IER3IP1: variants seen among roughly 807,000 people sequenced by gnomAD.
The protein encoded by IER3IP1 is immediate early response 3 interacting protein 1.
IER3IP1 carries 16 observed loss-of-function variants against 12.2 expected under a neutral mutation model. The ratio of observed to expected loss-of-function variants is 1.31; its 90% confidence interval spans 0.89 to 1.99. The LOEUF (loss-of-function observed/expected upper bound fraction) is 1.99. Ranked by LOEUF, IER3IP1 falls within the 30% of genes most tolerant of loss-of-function variation. The pLI is 0.00. For synonymous variants in IER3IP1, 42 were observed against 40.0 expected, an observed-to-expected ratio of 1.05 and a Z score of -0.19; for missense variants, 95 against 95.8, an observed-to-expected ratio of 0.99 and a Z score of 0.03.
At chr18:47,175,937 G>C (rs1417484843) in intron 1 of IER3IP1, among the ~76,000 whole-genome samples, 1 of 152,040 alleles carries the variant, frequency 6.6e-6, no homozygotes, top group Non-Finnish European at 1.5e-5. Context: ...CGCAAGCAGA[G>C]GCGTCCCTGA....
intron 2 of IER3IP1, among the ~76,000 whole-genome samples, 157 bp from the exon 3 acceptor site, chr18:47,156,389 T>A (rs1195848411): frequency 6.6e-6 from 1 of 152,198 alleles, no homozygotes; most frequent in Non-Finnish European, 1.5e-5. Context: ...CTAAAATACA[T>A]TGGATCATGA....
At chr18:47,158,830 G>A (rs369007987) in intron 1 of IER3IP1, among the ~76,000 whole-genome samples, 11 of 151,820 alleles carry the variant, frequency 7.2e-5, no homozygotes, top group Admixed American at 1.3e-4. Flanking sequence ...GTGTGATGGC[G>A]TGCGCCTGTA....
At chr18:47,163,618 C>A (rs1475635338) in intron 1 of IER3IP1, among the ~76,000 whole-genome samples, 1 of 152,090 alleles carries the variant, frequency 6.6e-6, no homozygotes, top group African/African-American at 2.4e-5. Context: ...TTGTGTGAAA[C>A]CCTTCCATAG....
At chr18:47,174,941 C>G (rs77354909) in intron 1 of IER3IP1, among the ~76,000 whole-genome samples, 1 of 152,114 alleles carries the variant, frequency 6.6e-6, no homozygotes, top group Non-Finnish European at 1.5e-5. Context: ...AAGAAGCTTT[C>G]GCAGATACAC....
At chr18:47,156,478 AT>A (rs1193749488) in intron 2 of IER3IP1, among the ~76,000 whole-genome samples, 2 of 152,218 alleles carry the variant, frequency 1.3e-5, no homozygotes, top group African/African-American at 4.8e-5. Flanking sequence ...AATGTGAAAC[AT>A]CTGTGGATAG....
Position 47,154,764 on chromosome 18 carries a change from C to G in IER3IP1, c.*1413G>C, listed in dbSNP as rs1289484337. 1 of 152,210 alleles carries G rather than the reference C, an allele frequency of 6.6e-6. No individual in the cohort carries two copies. Among genetic ancestry groups the G allele is most frequent in the Non-Finnish European group, 1.5e-5 (1 of 68,038 alleles). 9.4% of individuals were successfully genotyped at this position (152,210 alleles called of 1,614,324 possible). On this transcript the variant is annotated 3_prime_UTR_variant, in exon 3 of 3. Transcript: ENST00000256433. ...AGCCTATAGTCCAAAGATCACTGAT[C>G]TCTAACTTAGGAAAGGCCAAAAGGT...
chr18:47,169,019 T>C (rs558600180), intron 1 of IER3IP1, among the ~76,000 whole-genome samples: 1 of 152,172 alleles, frequency 6.6e-6, no homozygotes, highest in South Asian at 2.1e-4. Context: ...ACATTCAATT[T>C]TAGAGTATTT....
Position 47,176,224 on chromosome 18 carries a change from G to A in IER3IP1, c.54C>T (p.Ala18=), listed in dbSNP as rs2064033192. ...ATCGCTCCTCGTGCAGCACTGCGATGGCGTTGACGCAGAGCAGGGCTGCCT... is the reference window on the plus strand; with the variant it reads ...ATCGCTCCTCGTGCAGCACTGCGATAGCGTTGACGCAGAGCAGGGCTGCCT... ...LLQAALLCVN[A]IAVLHEERFL... The change falls in exon 1 of 3, where the codon GCC becomes GCT. Residue 18 remains alanine (A), a synonymous_variant. Transcript: ENST00000256433. 1 of 1,608,392 alleles carries A rather than the reference G, an allele frequency of 6.2e-7. No homozygotes were observed. The highest frequency in any genetic ancestry group is 8.5e-7 in the Non-Finnish European group (1 of 1,177,810).
intron 1 of IER3IP1, among the ~76,000 whole-genome samples, chr18:47,169,461 T>G (rs1046443399): frequency 3.3e-5 from 5 of 152,162 alleles, no homozygotes; most frequent in African/African-American, 1.2e-4. Context: ...AGTAACCATG[T>G]TTAACATTTT....
At chr18:47,169,358 T>C (rs1482612223) in intron 1 of IER3IP1, among the ~76,000 whole-genome samples, 1 of 152,192 alleles carries the variant, frequency 6.6e-6, no homozygotes, top group East Asian at 1.9e-4. Context: ...GTTGTTTCCA[T>C]TTTTTGGCTT....
intron 1 of IER3IP1, among the ~76,000 whole-genome samples, chr18:47,168,319 G>C (rs201444277): frequency 3.3e-5 from 4 of 122,510 alleles, no homozygotes; most frequent in Non-Finnish European, 7.0e-5. Context: ...AAAAAAAAAA[G>C]ACAAAAAAAA....
At chr18:47,167,298 G>A (rs568350570) in intron 1 of IER3IP1, among the ~76,000 whole-genome samples, 35 of 152,220 alleles carry the variant, frequency 2.3e-4, no homozygotes, top group South Asian at 1.5e-3. Flanking sequence ...TGATCTGCCC[G>A]CCTCAGCCTC....
At chr18:47,171,060 A>T (rs1160161241) in intron 1 of IER3IP1, among the ~76,000 whole-genome samples, 1 of 142,732 alleles carries the variant, frequency 7.0e-6, no homozygotes, top group Non-Finnish European at 1.6e-5. Flanking sequence ...TCCTATTGTT[A>T]GTTTGTTGAG....
chr18:47,166,076 G>T (rs912912761), intron 1 of IER3IP1, among the ~76,000 whole-genome samples: 1 of 152,036 alleles, frequency 6.6e-6, no homozygotes, highest in African/African-American at 2.4e-5. Flanking sequence ...TTTTTTGCAG[G>T]TATCAAAATC....
chr18:47,163,108 A>T (rs1410975457), intron 1 of IER3IP1, among the ~76,000 whole-genome samples: 1 of 152,134 alleles, frequency 6.6e-6, no homozygotes. Flanking sequence ...TATTTTTCCT[A>T]TATATGCACA....
chr18:47,153,065 T>C lies in IER3IP1; in HGVS notation c.*3112A>G, dbSNP rs2063945939. On this transcript the variant is annotated 3_prime_UTR_variant, in exon 3 of 3. Transcript: ENST00000256433. ...AGGTTTGCTTGATATATTAGAAATA[T>C]CTTGCCTCCTAGTCTTTTTACTAGT... 1 of 152,230 alleles carries C rather than the reference T, an allele frequency of 6.6e-6. No individual in the cohort carries two copies. The highest frequency in any genetic ancestry group is 1.5e-5 in the Non-Finnish European group (1 of 68,044). 9.4% of individuals were successfully genotyped at this position (152,230 alleles called of 1,614,324 possible).
At chr18:47,158,916 T>C (rs1178865274) in intron 1 of IER3IP1, among the ~76,000 whole-genome samples, 1 of 152,090 alleles carries the variant, frequency 6.6e-6, no homozygotes, top group Non-Finnish European at 1.5e-5. Context: ...TGAGCCATGA[T>C]CATGCTACTG....
At chr18:47,174,962 C>A (rs572014814) in intron 1 of IER3IP1, among the ~76,000 whole-genome samples, 4 of 152,176 alleles carry the variant, frequency 2.6e-5, no homozygotes, top group Non-Finnish European at 5.9e-5. Context: ...AAGTTAGTAT[C>A]TGCCCGTACT....
chr18:47,155,217 CATAAA>C lies in IER3IP1; in HGVS notation c.*955_*959del, dbSNP rs1189350162. The C allele has an allele frequency of 2.6e-5, 4 of 152,172 alleles. No homozygotes were observed. The highest frequency in any genetic ancestry group is 2.6e-4 in the Admixed American group (4 of 15,278). The allele number at this position is 152,172 out of a possible 1,614,324, so 9.4% of individuals were successfully genotyped here. A position where few individuals can be genotyped will look rare whatever the true frequency, so the allele number is the denominator to read the frequency against. On this transcript the variant is annotated 3_prime_UTR_variant, in exon 3 of 3. Coordinates refer to ENST00000256433, the MANE Select transcript of IER3IP1 (RefSeq NM_016097.5). ...AACAATCTCACAAGATGGTCTGAGA[CATAAA>C]AACAAAAGACAACCTATCCAGCATC... is the stretch of plus-strand genomic sequence containing the variant.
Sources: allele counts gnomAD v4.1 joint callset (sites outside exome capture counted in the v4.1 genomes callset), GRCh38; gene constraint gnomAD v4.1.1; transcripts MANE v1.5; gene names NCBI Gene and HGNC (gene_info 2026-07-23, HGNC 2026-07-21).